KCNQ1: variants seen among roughly 807,000 people sequenced by gnomAD.
KCNQ1 encodes the protein potassium voltage-gated channel subfamily KQT member 1.
In KCNQ1, 49 loss-of-function variants were observed where a neutral mutation model predicts 72.4. That is an observed-to-expected ratio of 0.68 (90% CI 0.54 to 0.86). KCNQ1 has a LOEUF of 0.86. Ranked by LOEUF, KCNQ1 falls within the 40% of genes least tolerant of loss-of-function variation. KCNQ1 has a pLI of 0.00. For synonymous variants in KCNQ1, 450 were observed against 412.6 expected, an observed-to-expected ratio of 1.09 and a Z score of -1.10; for missense variants, 790 against 945.1, an observed-to-expected ratio of 0.84 and a Z score of 2.15.
Position 2,509,456 on chromosome 11 carries a change from G to T in KCNQ1, c.387-18472G>T, listed in dbSNP as rs909777256. On this transcript the variant is annotated intron_variant, in intron 1 of 15. Transcript: ENST00000155840. This position sits in a 1 kb window ranked among gnomAD's most constrained non-coding sequence, Gnocchi z 6.3. Reference sequence around the variant, plus strand: ...TGGGAGGCTGGGTCTGTGCTGTGTGGGGGGTGTTTGGTGTCCTAGGAGGAG... The same window carrying T: ...TGGGAGGCTGGGTCTGTGCTGTGTGTGGGGTGTTTGGTGTCCTAGGAGGAG... Among the ~76,000 whole-genome samples, 3 of 152,128 alleles carry T rather than the reference G, an allele frequency of 2.0e-5. No homozygotes were observed. Among genetic ancestry groups the T allele is most frequent in the Non-Finnish European group, 4.4e-5 (3 of 68,016 alleles).
At position 2,563,400 on chromosome 11, in the gene KCNQ1, G is replaced by A. The variant is rs561521659; in HGVS notation, c.478-7228G>A. Among the ~76,000 whole-genome samples, 6 of 152,308 alleles carry A rather than the reference G, an allele frequency of 3.9e-5. 1 individual carries two copies. Among genetic ancestry groups the A allele is most frequent in the South Asian group, 4.1e-4 (2 of 4,822 alleles). ...TTTGCTAGACCCTTGCTGGCCCTCCGGCTTCGGGCAGGTCTCCTCTTTATG... is the reference window on the plus strand; with the variant it reads ...TTTGCTAGACCCTTGCTGGCCCTCCAGCTTCGGGCAGGTCTCCTCTTTATG... On this transcript the variant is annotated intron_variant, in intron 2 of 15. Coordinates refer to ENST00000155840, the MANE Select transcript of KCNQ1 (RefSeq NM_000218.3). This position sits in a 1 kb window ranked among gnomAD's most constrained non-coding sequence, Gnocchi z 7.4.
At chr11:2,788,535 T>G in intron 15 of KCNQ1, among the ~76,000 whole-genome samples, 1 of 123,242 alleles carries the variant, frequency 8.1e-6, no homozygotes, top group Non-Finnish European at 1.8e-5. Flanking sequence ...CAGCTCCCCC[T>G]CCCCTCTGCA....
chr11:2,616,295 C>T, intron 10 of KCNQ1: 1 of 395,802 alleles, frequency 2.5e-6, no homozygotes, highest in Non-Finnish European at 4.4e-6. Flanking sequence ...TTTTATTAGT[C>T]ATTCTAGTTA....
intron 15 of KCNQ1, among the ~76,000 whole-genome samples, chr11:2,841,151 G>T (rs1006683543): frequency 6.6e-6 from 1 of 152,308 alleles, no homozygotes; most frequent in African/African-American, 2.4e-5. Context: ...GGCCGCCCAG[G>T]ATTTTGAGCT....
chr11:2,719,189 C>T (rs1209157674), intron 11 of KCNQ1, among the ~76,000 whole-genome samples: 2 of 152,044 alleles, frequency 1.3e-5, no homozygotes, highest in Non-Finnish European at 1.5e-5. Flanking sequence ...GTAACAATGG[C>T]TATGTACATA....
intron 11 of KCNQ1, chr11:2,699,514 AGGAGAGTGCCGCGCTGAGGAG>A: frequency 1.1e-5 from 2 of 173,978 alleles, no homozygotes; most frequent in Non-Finnish European, 1.8e-5. Flanking sequence ...AGGAGCCCCC[AGGAGAGTGCCGCGCTGAGGAG>A]GCCCAGGGAG....
chr11:2,451,788 A>G lies in KCNQ1; in HGVS notation c.386+6304A>G, dbSNP rs1188574237. ...CGCTCCTCCACTCACAGATGAGGAC[A>G]TTTGGGTCGCCTTACAGATGAGACA... On this transcript the variant is annotated intron_variant, in intron 1 of 15. Transcript: ENST00000155840. This position sits in a 1 kb window ranked among gnomAD's most constrained non-coding sequence, Gnocchi z 6.4. 4.6e-5 allele frequency among the ~76,000 whole-genome samples: 7 copies of G among 152,128 alleles called. No individual in the cohort carries two copies. Among genetic ancestry groups the G allele is most frequent in the Admixed American group, 4.6e-4 (7 of 15,288 alleles).
At chr11:2,714,303 C>A (rs1384465091) in intron 11 of KCNQ1, among the ~76,000 whole-genome samples, 2 of 152,248 alleles carry the variant, frequency 1.3e-5, no homozygotes, top group African/African-American at 4.8e-5. Flanking sequence ...AGGTCAGCCC[C>A]CTCCCAGGCC....
At chr11:2,800,970 G>T (rs1447085546) in intron 15 of KCNQ1, among the ~76,000 whole-genome samples, 1 of 152,186 alleles carries the variant, frequency 6.6e-6, no homozygotes, top group Non-Finnish European at 1.5e-5. Context: ...AAGGCATGGG[G>T]AGGCAGGAGA....
At position 2,507,937 on chromosome 11, in the gene KCNQ1, A is replaced by C. The variant is rs1242826811; in HGVS notation, c.387-19991A>C. Among the ~76,000 whole-genome samples, 1 of 152,056 alleles carries C rather than the reference A, an allele frequency of 6.6e-6. No individual in the cohort carries two copies. Among genetic ancestry groups the C allele is most frequent in the Non-Finnish European group, 1.5e-5 (1 of 67,986 alleles). ...GTTGAGCCCTCCTGAGAGGTTTTGG[A>C]ACTGGCCTTGACTTGGTGATGTGGG... is the stretch of plus-strand genomic sequence containing the variant. On this transcript the variant is annotated intron_variant, in intron 1 of 15. Transcript: ENST00000155840. This position sits in a 1 kb window ranked among gnomAD's most constrained non-coding sequence, Gnocchi z 5.4.
At chr11:2,554,102 C>T (rs1848034255) in intron 2 of KCNQ1, among the ~76,000 whole-genome samples, 2 of 152,230 alleles carry the variant, frequency 1.3e-5, no homozygotes, top group Admixed American at 1.3e-4. Flanking sequence ...ACGAGGGCGT[C>T]ACCTGCCATG....
chr11:2,531,278 G>A (rs901678500), intron 2 of KCNQ1, among the ~76,000 whole-genome samples: 3 of 151,748 alleles, frequency 2.0e-5, no homozygotes, highest in Non-Finnish European at 4.4e-5. Context: ...GGCTCCACAT[G>A]CCCGTCTGCA....
At chr11:2,786,949 GTTT>G (rs5789272) in intron 15 of KCNQ1, among the ~76,000 whole-genome samples, 2 of 120,334 alleles carry the variant, frequency 1.7e-5, no homozygotes, top group South Asian at 5.7e-4. Flanking sequence ...TTTCGTTTCT[GTTT>G]TTTTTTTTTT....
Position 2,526,072 on chromosome 11 carries a change from A to G in KCNQ1, c.387-1856A>G, listed in dbSNP as rs965355264. 2.0e-5 allele frequency among the ~76,000 whole-genome samples: 3 copies of G among 152,156 alleles called. No individual in the cohort carries two copies. Among genetic ancestry groups the G allele is most frequent in the African/African-American group, 7.2e-5 (3 of 41,430 alleles). On this transcript the variant is annotated intron_variant, in intron 1 of 15. Coordinates refer to ENST00000155840, the MANE Select transcript of KCNQ1 (RefSeq NM_000218.3). The surrounding 1 kb of genome is among the most constrained non-coding windows in gnomAD (Gnocchi z 6.1). ...GGCAGGACCCTCAAGCTGGGCTTTT[A>G]GGCTGGGCAGCAGCAGGTGCACGGG...
rs771489129 is a variant in KCNQ1, at chr11:2,571,398, C to G, written c.678C>G (p.Ala226=). The change falls in exon 4 of 16, where the codon GCC becomes GCG. Residue 226 remains alanine (A), a synonymous_variant. Transcript: ENST00000155840. ...GSKGQVFATS[A]IRGIRFLQIL... ...AGGGGCAGGTGTTTGCCACGTCGGC[C>G]ATCAGGTGCGTCTGTGCCACAAGCT... is the stretch of plus-strand genomic sequence containing the variant. 9.3e-6 allele frequency: 15 copies of G among 1,610,882 alleles called. No homozygotes were observed. Among genetic ancestry groups the G allele is most frequent in the Non-Finnish European group, 8.5e-7 (1 of 1,179,830 alleles).
In KCNQ1 at chr11:2,699,775, C is replaced by T. The variant is rs868699206; in HGVS notation, c.1514+37694C>T. ...AGAAGAGCGCCGCGCTGAGGAGCCC[C>T]GAGGAGAACCGCGCCGAGGGGCGCG... is the stretch of plus-strand genomic sequence containing the variant. On this transcript the variant is annotated intron_variant, in intron 11 of 15. Coordinates refer to ENST00000155840, the MANE Select transcript of KCNQ1 (RefSeq NM_000218.3). 1.6e-4 allele frequency: 65 copies of T among 397,822 alleles called. No individual in the cohort carries two copies. In the Middle Eastern group the frequency reaches 3.1e-3, roughly 19 times the overall value. 24.6% of individuals were successfully genotyped at this position (397,822 alleles called of 1,614,324 possible).
Position 2,471,720 on chromosome 11 carries a change from G to A in KCNQ1, c.386+26236G>A, listed in dbSNP as rs1313878576. Among the ~76,000 whole-genome samples the A allele has an allele frequency of 7.0e-5, 10 of 143,230 alleles. No individual in the cohort carries two copies. Among genetic ancestry groups the A allele is most frequent in the African/African-American group, 5.8e-5 (2 of 34,526 alleles). 94.0% of individuals were successfully genotyped at this position (143,230 alleles called of 152,430 possible). ...TGTGTGTATAGGTGTGTGTATGTGT[G>A]CATGGGCGTGTGTATGTGTGCATGG... is the stretch of plus-strand genomic sequence containing the variant. On this transcript the variant is annotated intron_variant, in intron 1 of 15. Transcript: ENST00000155840. The surrounding 1 kb of genome is among the most constrained non-coding windows in gnomAD (Gnocchi z 4.8).
intron 10 of KCNQ1, chr11:2,648,542 A>G (rs892334744): frequency 5.0e-6 from 2 of 398,540 alleles, no homozygotes; most frequent in Admixed American, 4.4e-5. Context: ...GTGGTCATTC[A>G]GGAACATGTA....
At chr11:2,799,147 G>A (rs772979064) in intron 15 of KCNQ1, among the ~76,000 whole-genome samples, 3 of 152,262 alleles carry the variant, frequency 2.0e-5, no homozygotes, top group Non-Finnish European at 4.4e-5. Context: ...GCACGTGCCT[G>A]GAACAGAAAG....
Sources: gnomAD v4.1 joint callset for allele counts (sites outside exome capture counted in the v4.1 genomes callset) on GRCh38, gnomAD v4.1.1 for gene constraint, Gnocchi (gnomAD v3.1) non-coding constraint, MANE v1.5 for transcripts, NCBI Gene and HGNC (gene_info 2026-07-23, HGNC 2026-07-21) for gene names.